Variants in CNTNAP5 observed in about 807,000 individuals in gnomAD.
CNTNAP5 encodes contactin associated protein family member 5, also known as contactin-associated protein-like 5.
Under a neutral mutation model 150.2 loss-of-function variants are expected in CNTNAP5, and 72 were observed. The ratio of observed to expected loss-of-function variants is 0.48; its 90% CI spans 0.40 to 0.58. CNTNAP5 has a LOEUF of 0.58. CNTNAP5 is among the 20% of genes least tolerant of loss of function. The pLI, the probability that CNTNAP5 is intolerant of heterozygous loss-of-function variation, is 0.00. For synonymous variants in CNTNAP5, 672 were observed against 619.8 expected, an observed-to-expected ratio of 1.08 and a Z score of -1.25; for missense variants, 1,636 against 1,626.2, an observed-to-expected ratio of 1.01 and a Z score of -0.10.
intron 3 of CNTNAP5, among the ~76,000 whole-genome samples, chr2:124,270,686 C>T (rs187216650): frequency 1.8e-4 from 28 of 151,642 alleles, no homozygotes; most frequent in Admixed American, 4.6e-4. Flanking sequence ...GCCACATGTG[C>T]GCGTGCTTGC....
intron 6 of CNTNAP5, among the ~76,000 whole-genome samples, chr2:124,465,783 G>T (rs187755262): frequency 1.3e-5 from 2 of 152,230 alleles, no homozygotes; most frequent in Admixed American, 1.3e-4. Context: ...ATTCTAGCAG[G>T]AGAGGCAAAC....
chr2:124,636,609 T>G (rs1178787863), intron 12 of CNTNAP5, among the ~76,000 whole-genome samples: 1 of 152,134 alleles, frequency 6.6e-6, no homozygotes, highest in African/African-American at 2.4e-5. Context: ...AATAGCTTTC[T>G]GGTCATTATT....
chr2:124,399,362 T>G (rs375916776), intron 3 of CNTNAP5, among the ~76,000 whole-genome samples: 1 of 152,094 alleles, frequency 6.6e-6, no homozygotes. Flanking sequence ...AATGAATGAT[T>G]AAAAAAGACA....
At chr2:124,791,970 A>T (rs370920832) in intron 18 of CNTNAP5, among the ~76,000 whole-genome samples, 1 of 152,120 alleles carries the variant, frequency 6.6e-6, no homozygotes, top group Admixed American at 6.6e-5. Context: ...TGGCCTTTTT[A>T]GTCACATCTT....
At chr2:124,727,999 A>G (rs1680196244) in intron 13 of CNTNAP5, among the ~76,000 whole-genome samples, 2 of 151,964 alleles carry the variant, frequency 1.3e-5, no homozygotes, top group African/African-American at 4.8e-5. Flanking sequence ...ATTTGTGGAG[A>G]GTCTTTATCA....
chr2:124,885,622 T>C (rs1312975086), intron 21 of CNTNAP5, among the ~76,000 whole-genome samples: 1 of 150,802 alleles, frequency 6.6e-6, no homozygotes, highest in Non-Finnish European at 1.5e-5. Flanking sequence ...ACATCTCATC[T>C]TCACCCCTCC....
In CNTNAP5 at chr2:124,451,077, T is replaced by TATATATAC. The variant is rs755084840; in HGVS notation, c.918+4141_918+4142insTATATACA. 5.7e-3 allele frequency among the ~76,000 whole-genome samples: 348 copies of TATATATAC among 61,472 alleles called. 4 individuals are homozygous for TATATATAC. Among genetic ancestry groups the TATATATAC allele is most frequent in the East Asian group, 0.013 (21 of 1,608 alleles). The allele number at this position is 61,472 out of a possible 152,430, so 40.3% of individuals were successfully genotyped here. The stretch of plus-strand genomic sequence containing the variant: ...ATATATATATATATATATATATATA[T>TATATATAC]ACACACACACACACACACACATAAT... On this transcript the variant is annotated intron_variant, in intron 6 of 23. Transcript: ENST00000682447.
intron 21 of CNTNAP5, among the ~76,000 whole-genome samples, chr2:124,902,074 G>T (rs1407407091): frequency 1.3e-5 from 2 of 151,928 alleles, no homozygotes; most frequent in Non-Finnish European, 2.9e-5. Context: ...AAAAAAGATG[G>T]CTCATTATGC....
intron 13 of CNTNAP5, among the ~76,000 whole-genome samples, chr2:124,722,008 C>A (rs1319159899): frequency 2.0e-5 from 3 of 151,944 alleles, no homozygotes; most frequent in Non-Finnish European, 4.4e-5. Context: ...AAGATGAGGC[C>A]TTATAAGGAC....
chr2:124,114,294 T>G (rs1294063418), intron 1 of CNTNAP5, among the ~76,000 whole-genome samples: 1 of 152,072 alleles, frequency 6.6e-6, no homozygotes, highest in Non-Finnish European at 1.5e-5. Context: ...TTCTTGTATA[T>G]TTCACTCAAT....
intron 1 of CNTNAP5, among the ~76,000 whole-genome samples, chr2:124,121,523 A>G (rs1683560867): frequency 6.6e-6 from 1 of 152,202 alleles, no homozygotes. Context: ...CTGCACAGTC[A>G]ACACAATTAT....
At chr2:124,615,297 T>C (rs1399302398) in intron 12 of CNTNAP5, among the ~76,000 whole-genome samples, 1 of 152,250 alleles carries the variant, frequency 6.6e-6, no homozygotes, top group Non-Finnish European at 1.5e-5. Context: ...CTTTCAAAAT[T>C]GAAGTCAATC....
At chr2:124,348,064 T>G (rs1689785698) in intron 3 of CNTNAP5, among the ~76,000 whole-genome samples, 1 of 152,122 alleles carries the variant, frequency 6.6e-6, no homozygotes, top group South Asian at 2.1e-4. Flanking sequence ...TCTCCTGACC[T>G]AGTGAGCCGC....
At chr2:124,886,289 T>G (rs983757276) in intron 21 of CNTNAP5, among the ~76,000 whole-genome samples, 1 of 152,030 alleles carries the variant, frequency 6.6e-6, no homozygotes, top group Admixed American at 6.6e-5. Flanking sequence ...TCAAGGAGAT[T>G]TTGTTAACAA....
Position 124,387,724 on chromosome 2 carries a change from ACTT to A in CNTNAP5, c.382-29715_382-29713del, listed in dbSNP as rs372382663. Among the ~76,000 whole-genome samples, 516 of 152,172 alleles carry A rather than the reference ACTT, an allele frequency of 3.4e-3. 3 individuals carry two copies. The highest frequency in any genetic ancestry group is 0.011 in the African/African-American group (476 of 41,518). On this transcript the variant is annotated intron_variant, in intron 3 of 23. Transcript: ENST00000682447. ...AATGTCATCAGTTAAGGCTATTTTT[ACTT>A]CTTTTGTGGATCTTCAGTTACTTCA...
intron 2 of CNTNAP5, among the ~76,000 whole-genome samples, chr2:124,223,256 T>C (rs1174186732): frequency 3.9e-5 from 6 of 152,038 alleles, no homozygotes; most frequent in African/African-American, 1.2e-4. Context: ...CTAGTACAGA[T>C]TGAAAAGGGG....
At chr2:124,134,739 T>A (rs562262809) in intron 1 of CNTNAP5, among the ~76,000 whole-genome samples, 1 of 152,302 alleles carries the variant, frequency 6.6e-6, no homozygotes, top group Non-Finnish European at 1.5e-5. Flanking sequence ...TGTACTTGGA[T>A]TCCCCATCTT....
chr2:124,549,286 C>T (rs973863450), intron 10 of CNTNAP5, among the ~76,000 whole-genome samples: 1 of 152,152 alleles, frequency 6.6e-6, no homozygotes, highest in African/African-American at 2.4e-5. Flanking sequence ...AAAATGAAAC[C>T]TAGAGGAGCC....
chr2:124,748,517 G>A (rs1680655735), intron 14 of CNTNAP5, among the ~76,000 whole-genome samples: 1 of 151,978 alleles, frequency 6.6e-6, no homozygotes, highest in Non-Finnish European at 1.5e-5. Context: ...AGCATTCTTT[G>A]GTTTTGGCTT....
Sources: gnomAD v4.1 joint callset for allele counts (sites outside exome capture counted in the v4.1 genomes callset) on GRCh38, gnomAD v4.1.1 for gene constraint, MANE v1.5 for transcripts, NCBI Gene and HGNC (gene_info 2026-07-23, HGNC 2026-07-21) for gene names.